The following RNF220 variants were observed in gnomAD, a reference collection of about 807,000 sequenced individuals.
RNF220 encodes the protein E3 ubiquitin-protein ligase RNF220.
In RNF220, 7 loss-of-function variants were observed where a neutral mutation model predicts 67.1. That is an observed-to-expected ratio of 0.10 (90% CI 0.06 to 0.20). The LOEUF (loss-of-function observed/expected upper bound fraction) is 0.20. Ranked by LOEUF, RNF220 falls within the 10% of genes least tolerant of loss-of-function variation. The pLI is 1.00. For missense variants in RNF220, 565 were observed against 740.3 expected (o/e 0.76, Z 2.75); for synonymous variants, 270 against 283.2 (o/e 0.95, Z 0.47).
chr1:44,509,698 G>GCA (rs899216998), intron 2 of RNF220, among the ~76,000 whole-genome samples: 4 of 150,880 alleles, frequency 2.7e-5, no homozygotes, highest in African/African-American at 7.3e-5. Context: ...GACCAGCCTG[G>GCA]CCAACATGGC....
chr1:44,461,457 G>A (rs1653751052), intron 2 of RNF220, among the ~76,000 whole-genome samples: 1 of 152,186 alleles, frequency 6.6e-6, no homozygotes, highest in African/African-American at 2.4e-5. Context: ...GCGTTGGAGT[G>A]GCTGTGGATG....
In RNF220 at chr1:44,502,155, T is replaced by TCA. The variant is rs1491272514; in HGVS notation, c.625+89434_625+89435insAC. Among the ~76,000 whole-genome samples, 283 of 106,408 alleles carry TCA rather than the reference T, an allele frequency of 2.7e-3. 1 individual carries two copies. The highest frequency in any genetic ancestry group is 7.3e-3 in the African/African-American group (232 of 31,588). The allele number at this position is 106,408 out of a possible 152,430, so 69.8% of individuals were successfully genotyped here. A position where few individuals can be genotyped will look rare whatever the true frequency, so the allele number is the denominator to read the frequency against. ...CTTTGTCTCTCTCTCTCTCTCTCTC[T>TCA]CTCACACACACACACACACACACAC... On this transcript the variant is annotated intron_variant, in intron 2 of 14. Transcript: ENST00000361799.
chr1:44,559,584 G>A (rs922198959), intron 2 of RNF220, among the ~76,000 whole-genome samples: 7 of 152,154 alleles, frequency 4.6e-5, no homozygotes, highest in East Asian at 1.9e-4. Flanking sequence ...GGGGCATCCC[G>A]GGGGAGACTT....
Position 44,604,830 on chromosome 1 carries a change from G to C in RNF220, c.626-9335G>C, listed in dbSNP as rs530283657. Among the ~76,000 whole-genome samples, 61 of 152,360 alleles carry C rather than the reference G, an allele frequency of 4.0e-4. 1 individual carries two copies. The Middle Eastern group carries it at 0.014, about 34-fold the overall frequency. ...GGCAGGAGGCCATGTGGAATGGGCAGTGCCAACCTTGAGTTTCTGCAGGCA... is the reference window on the plus strand; with the variant it reads ...GGCAGGAGGCCATGTGGAATGGGCACTGCCAACCTTGAGTTTCTGCAGGCA... On this transcript the variant is annotated intron_variant, in intron 2 of 14. Coordinates refer to ENST00000361799, the MANE Select transcript of RNF220 (RefSeq NM_018150.4).
In RNF220 at chr1:44,636,071, C is replaced by T. The variant is rs1164282912; in HGVS notation, c.1035C>T (p.Ile345=). ...TGGCTGAGGATGATGCTGTGGACATCGAGCATGAGAACAACAACCGCTTTG... is the reference window on the plus strand; with the variant it reads ...TGGCTGAGGATGATGCTGTGGACATTGAGCATGAGAACAACAACCGCTTTG... ...SCMAEDDAVD[I]EHENNNRFEE... Residue 345 remains isoleucine, a synonymous_variant, in exon 8 of 15, where the codon ATC becomes ATT. Coordinates refer to ENST00000361799, the MANE Select transcript of RNF220 (RefSeq NM_018150.4). The T allele has an allele frequency of 1.2e-6, 2 of 1,614,190 alleles. No homozygotes were observed. The highest frequency in any genetic ancestry group is 1.3e-5 in the African/African-American group (1 of 75,038).
At position 44,616,304 on chromosome 1, in the gene RNF220, T is replaced by A. The variant is rs1643542687; in HGVS notation, c.758+2007T>A. Among the ~76,000 whole-genome samples, 7 of 151,970 alleles carry A rather than the reference T, an allele frequency of 4.6e-5. No homozygotes were observed. The South Asian group carries it at 1.5e-3, about 32-fold the overall frequency. ...AAGCTCTACCCATTGAAGGGAGGAGTATGAAAGAATCCATGGGCATATAAG... is the reference window on the plus strand; with the variant it reads ...AAGCTCTACCCATTGAAGGGAGGAGAATGAAAGAATCCATGGGCATATAAG... On this transcript the variant is annotated intron_variant, in intron 3 of 14. Transcript: ENST00000361799.
At chr1:44,608,812 G>C (rs549406911) in intron 2 of RNF220, among the ~76,000 whole-genome samples, 1 of 152,316 alleles carries the variant, frequency 6.6e-6, no homozygotes, top group East Asian at 1.9e-4. Flanking sequence ...CTACTGAGTG[G>C]TAAAAGATCT....
chr1:44,515,720 C>G (rs1418804757), intron 2 of RNF220, among the ~76,000 whole-genome samples: 2 of 152,204 alleles, frequency 1.3e-5, no homozygotes, highest in Non-Finnish European at 2.9e-5. Flanking sequence ...AGAAGGCTCT[C>G]TTGGCAATCT....
intron 2 of RNF220, among the ~76,000 whole-genome samples, chr1:44,497,813 C>T (rs773848222): frequency 6.6e-6 from 1 of 152,208 alleles, no homozygotes; most frequent in Admixed American, 6.5e-5. Context: ...CCCCTTTTCT[C>T]GTGTCTCCCC....
At chr1:44,564,322 C>T (rs2148297618) in intron 2 of RNF220, among the ~76,000 whole-genome samples, 1 of 152,300 alleles carries the variant, frequency 6.6e-6, no homozygotes, top group East Asian at 1.9e-4. Flanking sequence ...GTTGGACTCC[C>T]CTAGTTAGGT....
At chr1:44,456,201 C>T (rs1653157804) in intron 2 of RNF220, among the ~76,000 whole-genome samples, 1 of 152,090 alleles carries the variant, frequency 6.6e-6, no homozygotes. Flanking sequence ...AAGTTCCTTT[C>T]CACTGAAGAA....
chr1:44,569,857 C>G (rs914348042), intron 2 of RNF220, among the ~76,000 whole-genome samples: 1 of 152,188 alleles, frequency 6.6e-6, no homozygotes, highest in African/African-American at 2.4e-5. Context: ...GCCCTCTACC[C>G]GCATCGTCCT....
intron 2 of RNF220, among the ~76,000 whole-genome samples, chr1:44,548,194 A>G (rs1662330036): frequency 6.6e-6 from 1 of 152,118 alleles, no homozygotes; most frequent in Non-Finnish European, 1.5e-5. Flanking sequence ...GACTTAGTTC[A>G]GGTCCTCCCT....
intron 2 of RNF220, among the ~76,000 whole-genome samples, chr1:44,457,434 A>G (rs1653304649): frequency 6.6e-6 from 1 of 152,184 alleles, no homozygotes; most frequent in Non-Finnish European, 1.5e-5. Context: ...ATTCCAGGCA[A>G]AGAAAATGAC....
At chr1:44,643,416 G>A (rs927074889) in intron 8 of RNF220, 2 of 152,280 alleles carry the variant, frequency 1.3e-5, no homozygotes, top group African/African-American at 4.8e-5. Flanking sequence ...TAGAGAGCAA[G>A]AGTAAAGACA....
chr1:44,649,746 C>A lies in RNF220; in HGVS notation c.1531C>A (p.Arg511Ser), dbSNP rs370769920. 6.2e-7 allele frequency: 1 copy of A among 1,613,976 alleles called. No individual in the cohort carries two copies. The highest frequency in any genetic ancestry group is 8.5e-7 in the Non-Finnish European group (1 of 1,179,946). The change falls in exon 13 of 15, where the codon CGT becomes AGT. Residue 511 changes from arginine to serine, a missense_variant. Arg to Ser is a moderately radical substitution (Grantham distance 110). Transcript: ENST00000361799. This position sits in a 1 kb window ranked among gnomAD's most constrained non-coding sequence, Gnocchi z 5.9. ...TGAACGGCAGCTATCTCGTGGGGAC[C>A]GTTACAAATGCCTCATCTGCATGGT... ...ELERQLSRGD[R>S]YKCLICMDSY...
chr1:44,449,654 T>A (rs2147924980), intron 2 of RNF220, among the ~76,000 whole-genome samples: 1 of 152,326 alleles, frequency 6.6e-6, no homozygotes, highest in East Asian at 1.9e-4. Context: ...ACTCATGTGA[T>A]CCGCTCCCCT....
chr1:44,542,512 C>A (rs541571408), intron 2 of RNF220, among the ~76,000 whole-genome samples: 4 of 152,198 alleles, frequency 2.6e-5, no homozygotes, highest in Non-Finnish European at 4.4e-5. Flanking sequence ...CAGGCTCAGG[C>A]GCACAATCCC....
At chr1:44,607,795 G>A (rs1361492198) in intron 2 of RNF220, among the ~76,000 whole-genome samples, 1 of 151,770 alleles carries the variant, frequency 6.6e-6, no homozygotes, top group African/African-American at 2.4e-5. Flanking sequence ...GGCCAAATGT[G>A]CTGTTTTCTA....
Sources: allele counts gnomAD v4.1 joint callset (sites outside exome capture counted in the v4.1 genomes callset), GRCh38; gene constraint gnomAD v4.1.1; non-coding constraint Gnocchi (gnomAD v3.1); transcripts MANE v1.5; gene names NCBI Gene and HGNC (gene_info 2026-07-23, HGNC 2026-07-21).